Variants in IRAK3 observed in about 807,000 individuals in gnomAD.
IRAK3 encodes interleukin-1 receptor-associated kinase 3.
IRAK3 carries 57 observed loss-of-function variants against 56.6 expected under a neutral mutation model. The observed-to-expected ratio is 1.01, with a 90% CI of 0.81 to 1.26. IRAK3 has a LOEUF of 1.26. Ranked by LOEUF, IRAK3 falls within the 50% of genes most tolerant of loss-of-function variation. IRAK3 has a pLI of 0.00. For synonymous variants in IRAK3, 258 were observed against 255.7 expected, an observed-to-expected ratio of 1.01 and a Z score of -0.09; for missense variants, 703 against 719.0, an observed-to-expected ratio of 0.98 and a Z score of 0.25.
chr12:66,210,369 C>G (rs11176088), intron 4 of IRAK3, among the ~76,000 whole-genome samples, 168 bp downstream of exon 4: 137 of 152,046 alleles, frequency 9.0e-4, no homozygotes, highest in Non-Finnish European at 1.5e-3. Context: ...ACTTATAGTT[C>G]TAATAGATGA....
At position 66,229,870 on chromosome 12, in the gene IRAK3, A is replaced by G. The variant is rs141014418; in HGVS notation, c.887+1500A>G. Among the ~76,000 whole-genome samples the G allele has an allele frequency of 5.3e-3, 811 of 152,326 alleles. 13 individuals are homozygous for G. The highest frequency in any genetic ancestry group is 0.018 in the African/African-American group (760 of 41,574). Reference sequence around the variant, plus strand: ...AAATATCTGGAATGTTGCTAAACATATTTGTCCTTTGGTCTAAACTTAAAA... The same window carrying G: ...AAATATCTGGAATGTTGCTAAACATGTTTGTCCTTTGGTCTAAACTTAAAA... On this transcript the variant is annotated intron_variant, in intron 8 of 11. Transcript: ENST00000261233.
rs1034592503 is a variant in IRAK3, at chr12:66,220,136, A to G, written c.653+2901A>G. 2.0e-5 allele frequency among the ~76,000 whole-genome samples: 3 copies of G among 152,204 alleles called. No homozygotes were observed. The East Asian group carries it at 5.8e-4, about 29-fold the overall frequency. On this transcript the variant is annotated intron_variant, in intron 6 of 11. Transcript: ENST00000261233. Reference sequence around the variant, plus strand: ...AAAATCATTGCCAAGACCAATGTCAAGGTAAATTTTCCCTATGTTTTCTTC... The same window carrying G: ...AAAATCATTGCCAAGACCAATGTCAGGGTAAATTTTCCCTATGTTTTCTTC...
rs942992915 is a variant in IRAK3, at chr12:66,251,370, G to A, written c.*3199G>A. 1.3e-5 allele frequency: 2 copies of A among 152,174 alleles called. No homozygotes were observed. Among genetic ancestry groups the A allele is most frequent in the South Asian group, 4.2e-4 (2 of 4,818 alleles). The allele number at this position is 152,174 out of a possible 1,614,324, so 9.4% of individuals were successfully genotyped here. ...TGGGTAATAAGAGGATACCTTTATA[G>A]TTTCATGATGTGGAGACCAAGATAC... On this transcript the variant is annotated 3_prime_UTR_variant, in exon 12 of 12. Coordinates refer to ENST00000261233, the MANE Select transcript of IRAK3 (RefSeq NM_007199.3).
chr12:66,199,070 C>T (rs2052482998), intron 1 of IRAK3, among the ~76,000 whole-genome samples: 1 of 152,132 alleles, frequency 6.6e-6, no homozygotes, highest in Admixed American at 6.5e-5. Context: ...GATTAATGTT[C>T]TAATAGAAAA....
In IRAK3 at chr12:66,228,457, G is replaced by T. The variant is rs1321859763; in HGVS notation, c.887+87G>T. 4.5e-6 allele frequency: 4 copies of T among 886,864 alleles called. No homozygotes were observed. The Admixed American group carries it at 6.8e-5, about 15-fold the overall frequency. 54.9% of individuals were successfully genotyped at this position (886,864 alleles called of 1,614,324 possible). On this transcript the variant is annotated intron_variant, in intron 8 of 11. Coordinates refer to ENST00000261233, the MANE Select transcript of IRAK3 (RefSeq NM_007199.3). ...ATACTTCACACTATTCTCTGCTGTA[G>T]TTCTCCTGGTATGTATGTGTGTGTG...
intron 7 of IRAK3, 28 bp downstream of exon 7, chr12:66,226,865 T>G: frequency 2.3e-6 from 3 of 1,289,050 alleles, no homozygotes; most frequent in Non-Finnish European, 3.4e-6. Context: ...TTCTGTCTGA[T>G]CCTCTGACCC....
intron 1 of IRAK3, 110 bp downstream of exon 1, chr12:66,189,542 C>T (rs1565795899): frequency 2.7e-6 from 2 of 753,356 alleles, no homozygotes; most frequent in East Asian, 8.4e-5. Context: ...GCGCGGCCTC[C>T]GGGAAGTTCC....
chr12:66,244,955 T>G lies in IRAK3; in HGVS notation c.1094T>G (p.Met365Arg). The G allele has an allele frequency of 1.2e-6, 2 of 1,610,160 alleles. No individual in the cohort carries two copies. Among genetic ancestry groups the G allele is most frequent in the South Asian group, 2.2e-5 (2 of 90,992 alleles). ...TCTATATATTCCTTGTAGGTAATAA[T>G]GGAAGTTCTAACAGGATGTAGAGTA... ...TDVYSFGIVI[M>R]EVLTGCRVVL... Residue 365 changes from methionine (M) to arginine (R), a missense_variant, in exon 10 of 12, where the codon ATG (methionine) becomes AGG (arginine). By Grantham distance (91) the Met-to-Arg change is moderately conservative. Transcript: ENST00000261233.
At chr12:66,239,782 T>A (rs1054978318) in intron 8 of IRAK3, among the ~76,000 whole-genome samples, 1 of 152,180 alleles carries the variant, frequency 6.6e-6, no homozygotes, top group South Asian at 2.1e-4. Context: ...TAAATTAAAA[T>A]TTCCCCTATT....
At chr12:66,243,706 A>G (rs905722860) in intron 8 of IRAK3, among the ~76,000 whole-genome samples, 2 of 152,158 alleles carry the variant, frequency 1.3e-5, no homozygotes, top group Admixed American at 1.3e-4. Context: ...TGAGGCTTAC[A>G]TGGCGAAGGA....
intron 11 of IRAK3, among the ~76,000 whole-genome samples, chr12:66,247,086 A>G (rs2053040469): frequency 6.6e-6 from 1 of 152,174 alleles, no homozygotes; most frequent in Admixed American, 6.5e-5. Context: ...CCTGGCCAAC[A>G]TGGCGAAACC....
chr12:66,211,901 A>G (rs942861907), intron 5 of IRAK3, among the ~76,000 whole-genome samples: 4 of 152,158 alleles, frequency 2.6e-5, no homozygotes, highest in African/African-American at 9.6e-5. Context: ...ACTTGAGGTC[A>G]GGAGTTTGAG....
chr12:66,194,158 C>T (rs1218554872), intron 1 of IRAK3, among the ~76,000 whole-genome samples: 1 of 152,174 alleles, frequency 6.6e-6, no homozygotes, highest in Non-Finnish European at 1.5e-5. Flanking sequence ...CCTCCTGCTT[C>T]AGCCTCCCAA....
At chr12:66,234,873 T>C (rs2052886288) in intron 8 of IRAK3, 19 of 1,613,174 alleles carry the variant, frequency 1.2e-5, no homozygotes, top group South Asian at 2.2e-5. Context: ...TAGAGGTTGG[T>C]AGGATCTTGT....
At chr12:66,203,979 A>T (rs971280842) in intron 2 of IRAK3, 86 bp downstream of exon 2, 1 of 1,168,256 alleles carries the variant, frequency 8.6e-7, no homozygotes, top group Admixed American at 1.7e-5. Flanking sequence ...TATCCAAGAC[A>T]TTGACTCATG....
chr12:66,232,148 C>T (rs1033198408), intron 8 of IRAK3, among the ~76,000 whole-genome samples: 1 of 152,164 alleles, frequency 6.6e-6, no homozygotes, highest in Non-Finnish European at 1.5e-5. Context: ...ATGCATCTAG[C>T]AATGTATTTT....
At chr12:66,227,576 C>CATAAATAA (rs376888092) in intron 7 of IRAK3, among the ~76,000 whole-genome samples, 10,246 of 126,548 alleles carry the variant, frequency 0.081, 1,056 homozygotes, top group African/African-American at 0.23. Context: ...GAGACTCTGT[C>CATAAATAA]ATAAATAAAT....
chr12:66,206,359 A>G (rs1418302528), intron 2 of IRAK3, among the ~76,000 whole-genome samples: 1 of 152,142 alleles, frequency 6.6e-6, no homozygotes, highest in African/African-American at 2.4e-5. Context: ...AGTGATGTTA[A>G]CTGTCGGTTT....
At chr12:66,210,597 A>T (rs551594740) in intron 4 of IRAK3, among the ~76,000 whole-genome samples, 1 of 152,222 alleles carries the variant, frequency 6.6e-6, no homozygotes, top group African/African-American at 2.4e-5. Flanking sequence ...GAAGGTCAGT[A>T]TGAAAATCTA....
Sources: gnomAD v4.1 joint callset for allele counts (sites outside exome capture counted in the v4.1 genomes callset) on GRCh38, gnomAD v4.1.1 for gene constraint, MANE v1.5 for transcripts, NCBI Gene and HGNC (gene_info 2026-07-23, HGNC 2026-07-21) for gene names.